LRMDA: variants seen among roughly 807,000 people sequenced by gnomAD.
The protein encoded by LRMDA is leucine rich melanocyte differentiation associated, also known as leucine-rich melanocyte differentiation-associated protein.
LRMDA carries 18 observed loss-of-function variants against 29.8 expected under a neutral mutation model. The observed-to-expected ratio is 0.60, with a 90% CI of 0.42 to 0.90. The LOEUF is 0.90. Ranked by LOEUF, LRMDA falls within the 40% of genes least tolerant of loss-of-function variation. LRMDA has a pLI of 0.00. For synonymous variants in LRMDA, 125 were observed against 109.4 expected, an observed-to-expected ratio of 1.14 and a Z score of -0.89; for missense variants, 273 against 273.9, an observed-to-expected ratio of 1.00 and a Z score of 0.02.
intron 5 of LRMDA, among the ~76,000 whole-genome samples, chr10:76,074,670 A>G (rs889640350): frequency 9.2e-5 from 14 of 152,218 alleles, no homozygotes; most frequent in African/African-American, 2.7e-4. Flanking sequence ...GAAGGGAAGT[A>G]GATTTTCCTA....
intron 6 of LRMDA, among the ~76,000 whole-genome samples, chr10:76,355,937 A>G (rs1203240615): frequency 3.3e-5 from 5 of 152,162 alleles, no homozygotes; most frequent in Non-Finnish European, 7.3e-5. Context: ...GTTCCCCTTG[A>G]CAGCTGATTT....
intron 5 of LRMDA, among the ~76,000 whole-genome samples, chr10:76,096,456 A>G (rs567110911): frequency 6.6e-6 from 1 of 152,030 alleles, no homozygotes; most frequent in Non-Finnish European, 1.5e-5. Flanking sequence ...TTTAGACTCT[A>G]TTCTATCTCA....
At chr10:76,019,183 T>C (rs1005974618) in intron 2 of LRMDA, among the ~76,000 whole-genome samples, 1 of 152,212 alleles carries the variant, frequency 6.6e-6, no homozygotes, top group African/African-American at 2.4e-5. Flanking sequence ...CAAATGCTAA[T>C]ATGGCTGTCA....
intron 2 of LRMDA, among the ~76,000 whole-genome samples, chr10:75,709,711 T>C (rs1842413712): frequency 6.6e-6 from 1 of 152,216 alleles, no homozygotes; most frequent in South Asian, 2.1e-4. Context: ...ACATGCTTAG[T>C]TGTGTGTGTA....
Position 75,842,472 on chromosome 10 carries a change from TCA to T in LRMDA, c.132-193533_132-193532del, listed in dbSNP as rs1471855579. Reference sequence around the variant, plus strand: ...TTGCTGACCTCTGGTCTATGTTATTTCACAGTCTCACTAGATGAGTGGTTTGC... The same window carrying T: ...TTGCTGACCTCTGGTCTATGTTATTTCAGTCTCACTAGATGAGTGGTTTGC... On this transcript the variant is annotated intron_variant, in intron 2 of 6. Coordinates refer to ENST00000611255, the MANE Select transcript of LRMDA (RefSeq NM_001305581.2). Among the ~76,000 whole-genome samples, 3 of 152,316 alleles carry T rather than the reference TCA, an allele frequency of 2.0e-5. No individual in the cohort carries two copies. In the South Asian group the frequency reaches 6.2e-4, roughly 32 times the overall value.
At chr10:76,362,930 C>T (rs1841328908) in intron 6 of LRMDA, among the ~76,000 whole-genome samples, 1 of 151,256 alleles carries the variant, frequency 6.6e-6, no homozygotes, top group Admixed American at 6.6e-5. Flanking sequence ...TCTATTTTAC[C>T]AGCAGACAGA....
intron 5 of LRMDA, among the ~76,000 whole-genome samples, chr10:76,150,147 A>G (rs903874591): frequency 1.3e-5 from 2 of 152,178 alleles, no homozygotes; most frequent in African/African-American, 4.8e-5. Context: ...TGTGTCTGCA[A>G]ATGGCTGCCA....
intron 6 of LRMDA, among the ~76,000 whole-genome samples, chr10:76,456,289 C>T (rs918684584): frequency 2.6e-5 from 4 of 152,116 alleles, no homozygotes; most frequent in African/African-American, 7.2e-5. Flanking sequence ...TGGGCATGAC[C>T]CAGCAAAATG....
At chr10:76,520,077 G>A (rs1433976529) in intron 6 of LRMDA, among the ~76,000 whole-genome samples, 1 of 151,982 alleles carries the variant, frequency 6.6e-6, no homozygotes, top group Admixed American at 6.6e-5. Context: ...TGTGGTGATC[G>A]TTGTCTAATA....
intron 5 of LRMDA, among the ~76,000 whole-genome samples, chr10:76,264,799 A>G (rs1839987055): frequency 1.3e-5 from 2 of 152,208 alleles, no homozygotes; most frequent in African/African-American, 4.8e-5. Context: ...GGAGAGAGAT[A>G]AGAATCATGC....
chr10:76,053,166 C>G (rs1288732486), intron 4 of LRMDA, among the ~76,000 whole-genome samples: 1 of 152,080 alleles, frequency 6.6e-6, no homozygotes, highest in Admixed American at 6.5e-5. Context: ...CCCGATAGCC[C>G]CTGTTGACAG....
At chr10:75,895,692 G>A (rs866965220) in intron 2 of LRMDA, among the ~76,000 whole-genome samples, 5 of 152,344 alleles carry the variant, frequency 3.3e-5, no homozygotes, top group South Asian at 2.1e-4. Context: ...ATCCCCAGCA[G>A]GGAAGAGTTC....
At chr10:75,795,153 T>C (rs966231265) in intron 2 of LRMDA, among the ~76,000 whole-genome samples, 1 of 152,154 alleles carries the variant, frequency 6.6e-6, no homozygotes. Context: ...CCCAGCACTT[T>C]GGGAGGCTGA....
chr10:75,749,948 A>G (rs1842934625), intron 2 of LRMDA, among the ~76,000 whole-genome samples: 2 of 152,342 alleles, frequency 1.3e-5, no homozygotes, highest in South Asian at 4.1e-4. Flanking sequence ...GGTTGGGGGT[A>G]AGATTATAGA....
chr10:76,316,992 G>A (rs1278628808), intron 5 of LRMDA, among the ~76,000 whole-genome samples: 1 of 152,214 alleles, frequency 6.6e-6, no homozygotes, highest in Non-Finnish European at 1.5e-5. Context: ...ATTAGGACTG[G>A]CCCCTACCAT....
At position 76,035,405 on chromosome 10, in the gene LRMDA, G is replaced by A. The variant is rs7075449; in HGVS notation, c.132-603G>A. ...GGGGCAGCCACTGGGACGCTGGGCA[G>A]AAGCAAATTAAGTGATTAGTAAAGA... On this transcript the variant is annotated intron_variant, in intron 2 of 6. Coordinates refer to ENST00000611255, the MANE Select transcript of LRMDA (RefSeq NM_001305581.2). 2.7e-3 allele frequency among the ~76,000 whole-genome samples: 403 copies of A among 151,608 alleles called. 3 individuals carry two copies. Among genetic ancestry groups the A allele is most frequent in the African/African-American group, 9.5e-3 (392 of 41,342 alleles).
chr10:75,730,865 G>A (rs1230727933), intron 2 of LRMDA, among the ~76,000 whole-genome samples: 1 of 151,998 alleles, frequency 6.6e-6, no homozygotes, highest in Non-Finnish European at 1.5e-5. Context: ...GGAAACTTGA[G>A]AAGGGGCATT....
intron 2 of LRMDA, among the ~76,000 whole-genome samples, chr10:75,587,453 A>G (rs1036133451): frequency 6.6e-6 from 1 of 152,216 alleles, no homozygotes; most frequent in Non-Finnish European, 1.5e-5. Context: ...TGAAGTCTTT[A>G]AATGCATGTA....
At chr10:76,105,429 G>T (rs1363728363) in intron 5 of LRMDA, among the ~76,000 whole-genome samples, 3 of 150,882 alleles carry the variant, frequency 2.0e-5, no homozygotes, top group Non-Finnish European at 4.4e-5. Context: ...GGGTGGGGGG[G>T]AAGAGTCTTT....
Sources: allele counts gnomAD v4.1 joint callset (sites outside exome capture counted in the v4.1 genomes callset), GRCh38; gene constraint gnomAD v4.1.1; transcripts MANE v1.5; gene names NCBI Gene and HGNC (gene_info 2026-07-23, HGNC 2026-07-21).